Variants in EPB41L1 observed in about 807,000 individuals in gnomAD.
EPB41L1 encodes erythrocyte membrane protein band 4.1 like 1.
In EPB41L1, 29 loss-of-function variants were observed where a neutral mutation model predicts 97.8. The observed-to-expected ratio is 0.30, with a 90% CI of 0.22 to 0.40. The LOEUF (loss-of-function observed/expected upper bound fraction) is 0.40. EPB41L1 is among the 10% of genes least tolerant of loss of function. The probability of loss-of-function intolerance (pLI) is 1.00; values close to 1 mark genes in which losing one functional copy is unlikely to be tolerated. For synonymous variants in EPB41L1, 383 were observed against 459.2 expected, an observed-to-expected ratio of 0.83 and a Z score of 2.12; for missense variants, 812 against 1,162.3, an observed-to-expected ratio of 0.70 and a Z score of 4.38.
intron 1 of EPB41L1, among the ~76,000 whole-genome samples, chr20:36,095,951 A>G (rs975635308): frequency 1.7e-4 from 26 of 151,872 alleles, no homozygotes; most frequent in Admixed American, 1.4e-3. Flanking sequence ...GCTTGAACCC[A>G]GGAGGCGGAG....
At chr20:36,227,885 C>T (rs1199088863) in intron 21 of EPB41L1, among the ~76,000 whole-genome samples, 1 of 152,190 alleles carries the variant, frequency 6.6e-6, no homozygotes, top group East Asian at 1.9e-4. Flanking sequence ...TCCCACTGGC[C>T]CACCTCCTTC....
intron 3 of EPB41L1, among the ~76,000 whole-genome samples, chr20:36,176,925 C>T (rs1190640220): frequency 3.3e-5 from 5 of 152,182 alleles, no homozygotes; most frequent in Admixed American, 1.3e-4. Context: ...AGCCACTGCA[C>T]CCGACTGTGT....
chr20:36,191,639 T>C lies in EPB41L1; in HGVS notation c.1300+842T>C, dbSNP rs73902998. On this transcript the variant is annotated intron_variant, in intron 11 of 21. Transcript: ENST00000338074. ...AAGTCACATGGGTCACTGGGGAGATTCAGAATTATGCAGATCTGAGTTCAA... is the reference window on the plus strand; with the variant it reads ...AAGTCACATGGGTCACTGGGGAGATCCAGAATTATGCAGATCTGAGTTCAA... Among the ~76,000 whole-genome samples, 459 of 152,240 alleles carry C rather than the reference T, an allele frequency of 3.0e-3. 2 individuals are homozygous for C. Among genetic ancestry groups the C allele is most frequent in the African/African-American group, 0.011 (438 of 41,544 alleles).
intron 13 of EPB41L1, among the ~76,000 whole-genome samples, chr20:36,196,680 A>G (rs2062220673): frequency 6.6e-6 from 1 of 152,230 alleles, no homozygotes; most frequent in Non-Finnish European, 1.5e-5. Context: ...GGGTAAGCTT[A>G]CCTTCCAGTG....
chr20:36,154,861 G>T lies in EPB41L1; in HGVS notation c.-50G>T. The T allele has an allele frequency of 9.9e-7, 1 of 1,011,528 alleles. No homozygotes were observed. Among genetic ancestry groups the T allele is most frequent in the Non-Finnish European group, 1.2e-6 (1 of 845,912 alleles). The allele number at this position is 1,011,528 out of a possible 1,614,324, so 62.7% of individuals were successfully genotyped here. Reference sequence around the variant, plus strand: ...AGAGGAGCCGAGGGGGCCGCCCCTCGCCCAACCTGCCCGACATGGGGAACC... The same window carrying T: ...AGAGGAGCCGAGGGGGCCGCCCCTCTCCCAACCTGCCCGACATGGGGAACC... On this transcript the variant is annotated 5_prime_UTR_variant, in exon 1 of 22. Coordinates refer to ENST00000338074, the MANE Select transcript of EPB41L1 (RefSeq NM_012156.2). The surrounding 1 kb of genome is among the most constrained non-coding windows in gnomAD (Gnocchi z 5.5).
At chr20:36,114,283 G>T (rs1471294578) in intron 2 of EPB41L1, among the ~76,000 whole-genome samples, 2 of 152,180 alleles carry the variant, frequency 1.3e-5, no homozygotes, top group Non-Finnish European at 2.9e-5. Context: ...TTCTGGGGCA[G>T]TTTACCCAGA....
At chr20:36,228,280 A>T (rs1448403130) in intron 21 of EPB41L1, among the ~76,000 whole-genome samples, 2 of 152,240 alleles carry the variant, frequency 1.3e-5, no homozygotes, top group African/African-American at 4.8e-5. Context: ...AACAACAGCA[A>T]CAATCATCAT....
At chr20:36,111,161 T>A (rs1224456712) in intron 1 of EPB41L1, among the ~76,000 whole-genome samples, 1 of 152,184 alleles carries the variant, frequency 6.6e-6, no homozygotes, top group African/African-American at 2.4e-5. Context: ...AATGAGGAAG[T>A]AAAGTGACTT....
intron 3 of EPB41L1, among the ~76,000 whole-genome samples, chr20:36,177,246 G>A (rs896481774): frequency 2.0e-5 from 3 of 152,302 alleles, no homozygotes; most frequent in Non-Finnish European, 2.9e-5. Context: ...CCTTATTGGT[G>A]CTCATCTTTA....
intron 14 of EPB41L1, among the ~76,000 whole-genome samples, chr20:36,202,406 A>G (rs1391125791): frequency 6.6e-6 from 1 of 151,502 alleles, no homozygotes; most frequent in Non-Finnish European, 1.5e-5. Flanking sequence ...AGACTTGAAC[A>G]CCTCCCCTTC....
At position 36,209,411 on chromosome 20, in the gene EPB41L1, C is replaced by A; in HGVS notation, c.1669-77C>A. ...GACACAGCCCCGAGATTTCTCCTGACATTCACCATCTTGATTTCTCTTTCT... is the reference window on the plus strand; with the variant it reads ...GACACAGCCCCGAGATTTCTCCTGAAATTCACCATCTTGATTTCTCTTTCT... On this transcript the variant is annotated intron_variant, in intron 14 of 21. Coordinates refer to ENST00000338074, the MANE Select transcript of EPB41L1 (RefSeq NM_012156.2). This position sits in a 1 kb window ranked among gnomAD's most constrained non-coding sequence, Gnocchi z 4.2. 1 of 1,507,116 alleles carries A rather than the reference C, an allele frequency of 6.6e-7. No individual in the cohort carries two copies. The highest frequency in any genetic ancestry group is 9.0e-7 in the Non-Finnish European group (1 of 1,109,590). 93.4% of individuals were successfully genotyped at this position (1,507,116 alleles called of 1,614,324 possible).
intron 6 of EPB41L1, 109 bp downstream of exon 6, chr20:36,182,456 C>A: frequency 8.1e-7 from 1 of 1,239,012 alleles, no homozygotes; most frequent in South Asian, 1.2e-5. Context: ...CAAATGCAGT[C>A]GCCTACCGAG....
At chr20:36,137,515 C>T (rs1600515719) in intron 2 of EPB41L1, among the ~76,000 whole-genome samples, 1 of 151,824 alleles carries the variant, frequency 6.6e-6, no homozygotes, top group South Asian at 2.1e-4. Flanking sequence ...GTCACCGCAC[C>T]CAGCCTGAAT....
chr20:36,106,544 G>A (rs1234597803), intron 1 of EPB41L1, among the ~76,000 whole-genome samples: 1 of 152,176 alleles, frequency 6.6e-6, no homozygotes, highest in African/African-American at 2.4e-5. Flanking sequence ...AAGGACACTG[G>A]GTACTCAGAT....
intron 2 of EPB41L1, among the ~76,000 whole-genome samples, chr20:36,114,709 T>C (rs1326886834): frequency 6.6e-6 from 1 of 152,192 alleles, no homozygotes; most frequent in Admixed American, 6.5e-5. Context: ...TTTTAAGCTG[T>C]CCTGTGTCCC....
In EPB41L1 at chr20:36,093,841, C is replaced by T. The variant is rs978110285; in HGVS notation, c.-65+2229C>T. Among the ~76,000 whole-genome samples the T allele has an allele frequency of 3.3e-5, 5 of 151,804 alleles. No individual in the cohort carries two copies. The highest frequency in any genetic ancestry group is 1.2e-4 in the African/African-American group (5 of 41,370). ...TTGTGGCCAGGGGACATGTCCCCTC[C>T]GGCCTCCCCCCAGCCCCCCACCAGA... On this transcript the variant is annotated intron_variant, in intron 1 of 19. Coordinates refer to the EPB41L1 transcript ENST00000202028. The surrounding 1 kb of genome is among the most constrained non-coding windows in gnomAD (Gnocchi z 5.4).
intron 1 of EPB41L1, among the ~76,000 whole-genome samples, chr20:36,156,896 A>T (rs929391414): frequency 6.6e-6 from 1 of 152,138 alleles, no homozygotes; most frequent in African/African-American, 2.4e-5. Context: ...GGACTTCCCT[A>T]AGAGCCCCTT....
At chr20:36,141,899 G>A (rs972032916) in intron 2 of EPB41L1, among the ~76,000 whole-genome samples, 7 of 152,142 alleles carry the variant, frequency 4.6e-5, no homozygotes, top group Admixed American at 1.3e-4. Flanking sequence ...CTTGAGGTCA[G>A]GAGTTCGAGA....
intron 1 of EPB41L1, chr20:36,155,264 G>C (rs1324076943): frequency 4.5e-6 from 2 of 442,172 alleles, no homozygotes; most frequent in Non-Finnish European, 9.1e-6. Context: ...GCTGCAGGAG[G>C]AGTTCTTGGC....
Sources: gnomAD v4.1 joint callset for allele counts (sites outside exome capture counted in the v4.1 genomes callset) on GRCh38, gnomAD v4.1.1 for gene constraint, Gnocchi (gnomAD v3.1) non-coding constraint, MANE v1.5 for transcripts, NCBI Gene and HGNC (gene_info 2026-07-23, HGNC 2026-07-21) for gene names.